The following KIF1A variants were observed in gnomAD, a reference collection of about 807,000 sequenced individuals.
KIF1A encodes kinesin family member 1A.
Under a neutral mutation model 227.3 loss-of-function variants are expected in KIF1A, and 46 were observed. The observed-to-expected ratio is 0.20, with a 90% confidence interval of 0.16 to 0.26. The LOEUF is 0.26. Among genes scored for constraint, KIF1A ranks in the 10% least tolerant of loss-of-function variants. KIF1A has a pLI of 1.00. For synonymous variants in KIF1A, 1,022 were observed against 1,012.8 expected, an observed-to-expected ratio of 1.01 and a Z score of -0.17; for missense variants, 1,683 against 2,485.9, an observed-to-expected ratio of 0.68 and a Z score of 6.87.
At chr2:240,760,491 T>C (rs1188425902) in intron 25 of KIF1A, among the ~76,000 whole-genome samples, 174 bp downstream of exon 25, 6 of 152,282 alleles carry the variant, frequency 3.9e-5, no homozygotes, top group Admixed American at 3.9e-4. Context: ...ATGAGGATTC[T>C]ACAAGGCTGG....
chr2:240,773,320 G>T, intron 12 of KIF1A, 64 bp from the exon 13 acceptor site: 1 of 1,599,248 alleles, frequency 6.3e-7, no homozygotes, highest in Non-Finnish European at 8.5e-7. Context: ...GGTCCCAAGG[G>T]TGCCTAGAGC....
At chr2:240,774,090 C>A in intron 12 of KIF1A, 93 bp downstream of exon 12, 2 of 774,468 alleles carry the variant, frequency 2.6e-6, no homozygotes, top group East Asian at 2.6e-5. Flanking sequence ...AGAGTCGCCC[C>A]TGGTCACTGG....
chr2:240,806,323 A>T (rs2057401391), intron 1 of KIF1A, among the ~76,000 whole-genome samples: 1 of 152,238 alleles, frequency 6.6e-6, no homozygotes, highest in Non-Finnish European at 1.5e-5. Flanking sequence ...TTTTCAGAGT[A>T]CTAGTCCATT....
rs979331511 is a variant in KIF1A at position 240,792,462 on chromosome 2, C to T, written c.107-3150G>A. On this transcript the variant is annotated intron_variant, in intron 2 of 48. Transcript: ENST00000498729. This position sits in a 1 kb window ranked among gnomAD's most constrained non-coding sequence, Gnocchi z 4.5. ...GGCGAGGTGCCCAGTATCAGGCAGC[C>T]TTCCCAGGACTCTGCATGGGCCTGC... 6.6e-6 allele frequency among the ~76,000 whole-genome samples: 1 copy of T among 152,024 alleles called. No homozygotes were observed. The highest frequency in any genetic ancestry group is 1.5e-5 in the Non-Finnish European group (1 of 67,986).
rs376365164 is a variant in KIF1A, at chr2:240,726,806, C to T, written c.4122+20G>A. 1.7e-5 allele frequency: 25 copies of T among 1,493,652 alleles called. No individual in the cohort carries two copies. The highest frequency in any genetic ancestry group is 3.5e-5 in the Admixed American group (2 of 56,876). 92.5% of individuals were successfully genotyped at this position (1,493,652 alleles called of 1,614,324 possible). The stretch of plus-strand genomic sequence containing the variant: ...GGGGCTGAGTGGTTTTGGTGGAGTG[C>T]CCTGGCATAGGTGCCTTGCCTCGAT... On this transcript the variant is annotated intron_variant, in intron 39 of 48. Coordinates refer to ENST00000498729, the MANE Select transcript of KIF1A (RefSeq NM_001244008.2). The surrounding 1 kb of genome is among the most constrained non-coding windows in gnomAD (Gnocchi z 5.2).
intron 37 of KIF1A, among the ~76,000 whole-genome samples, chr2:240,738,816 A>G (rs1282533761): frequency 6.6e-6 from 1 of 152,184 alleles, no homozygotes; most frequent in Non-Finnish European, 1.5e-5. Flanking sequence ...CGTCCTTTCA[A>G]CCATGCAGAT....
At chr2:240,728,449 T>A in intron 38 of KIF1A, 1 of 1,278,122 alleles carries the variant, frequency 7.8e-7, no homozygotes, top group South Asian at 1.2e-5. Context: ...CACGTACACA[T>A]ACAGAAGAAA....
chr2:240,807,298 C>A (rs901689509), intron 1 of KIF1A, among the ~76,000 whole-genome samples: 1 of 152,012 alleles, frequency 6.6e-6, no homozygotes, highest in Admixed American at 6.5e-5. Flanking sequence ...CATGCACCAC[C>A]ATGCCCAACT....
chr2:240,760,596 C>T (rs568720281), intron 25 of KIF1A, 69 bp downstream of exon 25: 39 of 1,275,374 alleles, frequency 3.1e-5, no homozygotes, highest in South Asian at 1.5e-4. Context: ...TGCCTACCAC[C>T]GCTCCTGTGG....
intron 38 of KIF1A, among the ~76,000 whole-genome samples, chr2:240,735,617 G>C (rs2047222045): frequency 6.6e-6 from 1 of 152,170 alleles, no homozygotes; most frequent in Non-Finnish European, 1.5e-5. Context: ...GCCCTTCCGG[G>C]CCCCACCCCC....
intron 2 of KIF1A, among the ~76,000 whole-genome samples, chr2:240,791,913 C>T (rs1458415958): frequency 2.0e-5 from 3 of 150,140 alleles, no homozygotes; most frequent in Non-Finnish European, 4.4e-5. Flanking sequence ...GCCCTGCCTA[C>T]ACCCCCATCC....
chr2:240,720,130 GCTTGGTGGGCAGGGTC>G (rs1482798283), intron 45 of KIF1A: 9 of 474,146 alleles, frequency 1.9e-5, no homozygotes, highest in Non-Finnish European at 2.9e-5. Context: ...GAAGTGCTGG[GCTTGGTGGGCAGGGTC>G]CCCCAGGAAC....
In KIF1A at chr2:240,721,854, T is replaced by C; in HGVS notation, c.4696A>G (p.Arg1566Gly). The C allele has an allele frequency of 6.2e-7, 1 of 1,607,498 alleles. No homozygotes were observed. The change falls in exon 44 of 49, where the codon AGA becomes GGA. Residue 1566 changes from arginine (R) to glycine (G), a missense_variant. Transcript: ENST00000498729. ...CLRLLTHTFN[R>G]EYTHSHVCVS... ...CAGACGTGGCTGTGTGTGTACTCTCTGTTGAATGTGTGCGTGAGCAGGCGC... is the reference window on the plus strand; with the variant it reads ...CAGACGTGGCTGTGTGTGTACTCTCCGTTGAATGTGTGCGTGAGCAGGCGC...
rs1172994902 is a variant in KIF1A at position 240,793,469 on chromosome 2, CCCAG to C, written c.107-4161_107-4158del. 6.6e-6 allele frequency among the ~76,000 whole-genome samples: 1 copy of C among 152,208 alleles called. No individual in the cohort carries two copies. Among genetic ancestry groups the C allele is most frequent in the Non-Finnish European group, 1.5e-5 (1 of 68,036 alleles). On this transcript the variant is annotated intron_variant, in intron 2 of 48. Transcript: ENST00000498729. The surrounding 1 kb of genome is among the most constrained non-coding windows in gnomAD (Gnocchi z 4.8). ...CCGCACATGGCTGAGGGTCCGCGTC[CCCAG>C]CCAGCCTCCAGCATCTGCAGAATGG...
chr2:240,802,171 G>C (rs1449782161), intron 1 of KIF1A, among the ~76,000 whole-genome samples: 1 of 150,452 alleles, frequency 6.6e-6, no homozygotes, highest in Non-Finnish European at 1.5e-5. Context: ...CAACAGAAAT[G>C]ATAGAAACCA....
At chr2:240,720,086 C>A (rs1289980528) in intron 45 of KIF1A, 160 bp from the exon 46 acceptor site, 3 of 596,650 alleles carry the variant, frequency 5.0e-6, no homozygotes, top group Non-Finnish European at 7.8e-6. Context: ...CGGGGCCCGT[C>A]CACCAGGATA....
rs1352929519 is a variant in KIF1A, at chr2:240,721,006, G to A, written c.4776C>T (p.Asp1592=). ...CCACCCCTAGAGGGGACATCGACGG[G>A]TCCCGGAGCAGGGTGACAGACATCT... is the stretch of plus-strand genomic sequence containing the variant. ...LSEMSVTLLR[D]PSMSPLGVAT... is the part of the protein sequence containing the mutation. The change falls in exon 45 of 49, where the codon GAC becomes GAT. Residue 1592 remains aspartate, a synonymous_variant. Transcript: ENST00000498729. 3 of 1,611,236 alleles carry A rather than the reference G, an allele frequency of 1.9e-6. No individual in the cohort carries two copies. Among genetic ancestry groups the A allele is most frequent in the Non-Finnish European group, 1.7e-6 (2 of 1,179,350 alleles).
chr2:240,751,867 C>T (rs565513015), intron 27 of KIF1A, among the ~76,000 whole-genome samples: 3 of 152,234 alleles, frequency 2.0e-5, no homozygotes, highest in African/African-American at 4.8e-5. Context: ...ATCTCATCTG[C>T]GGCCTCAAGC....
At chr2:240,812,505 TG>T (rs199965745) in intron 1 of KIF1A, among the ~76,000 whole-genome samples, 1 of 147,356 alleles carries the variant, frequency 6.8e-6, no homozygotes, top group Non-Finnish European at 1.5e-5. Flanking sequence ...GCCTTCACCT[TG>T]GGGATCCACC....
Sources: gnomAD v4.1 joint callset for allele counts (sites outside exome capture counted in the v4.1 genomes callset) on GRCh38, gnomAD v4.1.1 for gene constraint, Gnocchi (gnomAD v3.1) non-coding constraint, MANE v1.5 for transcripts, NCBI Gene and HGNC (gene_info 2026-07-23, HGNC 2026-07-21) for gene names.